The following HMCN1 variants were observed in gnomAD, a reference collection of about 807,000 sequenced individuals.
HMCN1 encodes the protein hemicentin 1, also known as hemicentin-1.
In HMCN1, 321 loss-of-function variants were observed where a neutral mutation model predicts 625.9. That is an observed-to-expected ratio of 0.51 (90% CI 0.47 to 0.56). The LOEUF (loss-of-function observed/expected upper bound fraction) is 0.56, where lower values mean the gene tolerates loss of function less well. Among genes scored for constraint, HMCN1 ranks in the 20% least tolerant of loss-of-function variants. HMCN1 has a pLI of 0.00. For synonymous variants in HMCN1, 2,425 were observed against 2,417.6 expected, an observed-to-expected ratio of 1.00 and a Z score of -0.09; for missense variants, 6,588 against 6,887.3, an observed-to-expected ratio of 0.96 and a Z score of 1.54.
chr1:185,892,328 G>A lies in HMCN1; in HGVS notation c.622-17009G>A, dbSNP rs546073226. Among the ~76,000 whole-genome samples the A allele has an allele frequency of 2.3e-4, 35 of 152,066 alleles. No homozygotes were observed. In the East Asian group the frequency reaches 3.1e-3, roughly 13 times the overall value. ...TCTCAGCTCATCAAAGTCATTCTCC[G>A]TCCAGCTTTGTTCCATTGCTGGTGA... On this transcript the variant is annotated intron_variant, in intron 4 of 106. Coordinates refer to ENST00000271588, the MANE Select transcript of HMCN1 (RefSeq NM_031935.3).
At chr1:185,990,184 A>G (rs1652324342) in intron 21 of HMCN1, 91 bp from the exon 22 acceptor site, 4 of 1,090,224 alleles carry the variant, frequency 3.7e-6, no homozygotes, top group South Asian at 1.2e-5. Context: ...TAAATTACTT[A>G]AGAACATTAG....
At chr1:185,950,652 T>A (rs1451351147) in intron 11 of HMCN1, among the ~76,000 whole-genome samples, 2 of 151,890 alleles carry the variant, frequency 1.3e-5, no homozygotes, top group African/African-American at 2.4e-5. Flanking sequence ...ATGGGGGCTG[T>A]CTGTGAAGCT....
intron 89 of HMCN1, among the ~76,000 whole-genome samples, chr1:186,143,287 G>A (rs1157265056): frequency 6.6e-6 from 1 of 152,196 alleles, no homozygotes; most frequent in Non-Finnish European, 1.5e-5. Flanking sequence ...CAGCCTTTGA[G>A]GCTCTTATTT....
In HMCN1 at chr1:186,015,300, G is replaced by A. The variant is rs140480677; in HGVS notation, c.4772G>A (p.Ser1591Asn). 98 of 1,613,636 alleles carry A rather than the reference G, an allele frequency of 6.1e-5. No individual in the cohort carries two copies. Among genetic ancestry groups the A allele is most frequent in the Middle Eastern group, 4.9e-4 (3 of 6,084 alleles). The change falls in exon 31 of 107, where the codon AGC (serine) becomes AAC (asparagine). Residue 1591 changes from serine (S) to asparagine (N), a missense_variant. Coordinates refer to ENST00000271588, the MANE Select transcript of HMCN1 (RefSeq NM_031935.3). ...AAGGACGGGCAGCCAATCATGTCCA[G>A]CTCACAAGCACTTTATATTGATAAA... is the stretch of plus-strand genomic sequence containing the variant. ...WYKDGQPIMS[S>N]SQALYIDKGQ...
chr1:185,953,312 G>A (rs1244617919), intron 11 of HMCN1, among the ~76,000 whole-genome samples: 1 of 151,824 alleles, frequency 6.6e-6, no homozygotes, highest in Admixed American at 6.5e-5. Context: ...GCTGCTAAGG[G>A]TGAAGGACCA....
At chr1:186,081,915 A>G (rs1659191132) in intron 56 of HMCN1, among the ~76,000 whole-genome samples, 1 of 152,206 alleles carries the variant, frequency 6.6e-6, no homozygotes, top group Non-Finnish European at 1.5e-5. Flanking sequence ...GTTAGGATAC[A>G]ATTTGATAAA....
chr1:185,744,462 G>T (rs1217855667), intron 1 of HMCN1, among the ~76,000 whole-genome samples: 2 of 152,074 alleles, frequency 1.3e-5, no homozygotes, highest in African/African-American at 4.8e-5. Flanking sequence ...AAACCAACAA[G>T]AGAATCTAAA....
chr1:186,129,363 TATAA>T lies in HMCN1; in HGVS notation c.12905-599_12905-596del, dbSNP rs200133160. ...TATATGTTATTTATAATATAAATTT[TATAA>T]ATATTACTATCATAAATTTTTAAAT... On this transcript the variant is annotated intron_variant, in intron 83 of 106. Coordinates refer to ENST00000271588, the MANE Select transcript of HMCN1 (RefSeq NM_031935.3). 3.7e-3 allele frequency among the ~76,000 whole-genome samples: 565 copies of T among 151,054 alleles called. 5 individuals carry two copies. Among genetic ancestry groups the T allele is most frequent in the African/African-American group, 0.013 (538 of 41,410 alleles).
chr1:185,950,611 A>G (rs1203072343), intron 11 of HMCN1, among the ~76,000 whole-genome samples: 1 of 151,816 alleles, frequency 6.6e-6, no homozygotes, highest in South Asian at 2.1e-4. Context: ...TAGGTAACAG[A>G]TGAGGAAGAA....
chr1:185,772,697 G>C (rs542775808), intron 1 of HMCN1, among the ~76,000 whole-genome samples: 2 of 152,114 alleles, frequency 1.3e-5, no homozygotes, highest in Non-Finnish European at 2.9e-5. Context: ...GAAGATGACT[G>C]TTGTAGTCCA....
chr1:185,987,790 C>T (rs1652101692), intron 20 of HMCN1, among the ~76,000 whole-genome samples: 1 of 151,962 alleles, frequency 6.6e-6, no homozygotes, highest in South Asian at 2.1e-4. Context: ...TCCTCCACTC[C>T]CCAGAGAAGC....
chr1:185,893,016 G>A (rs1375064087), intron 4 of HMCN1, among the ~76,000 whole-genome samples: 1 of 152,156 alleles, frequency 6.6e-6, no homozygotes, highest in South Asian at 2.1e-4. Flanking sequence ...CTCGTGGTGC[G>A]CCGTTTTTTA....
intron 1 of HMCN1, among the ~76,000 whole-genome samples, chr1:185,737,210 AGT>A (rs1653647277): frequency 1.3e-5 from 2 of 151,452 alleles, no homozygotes; most frequent in South Asian, 4.2e-4. Context: ...GCTGGAGTGC[AGT>A]AGCACTATCA....
At chr1:186,076,681 A>C in intron 54 of HMCN1, 59 bp downstream of exon 54, 1 of 1,521,496 alleles carries the variant, frequency 6.6e-7, no homozygotes, top group Non-Finnish European at 9.0e-7. Context: ...GTTTCCTCTC[A>C]TGTATTAGAC....
At chr1:185,958,253 G>C (rs1044037746) in intron 11 of HMCN1, among the ~76,000 whole-genome samples, 51 of 151,982 alleles carry the variant, frequency 3.4e-4, no homozygotes, top group African/African-American at 8.2e-4. Context: ...GTAGTAGCTG[G>C]GACTACAGGC....
At chr1:185,777,672 G>T (rs1051228849) in intron 1 of HMCN1, among the ~76,000 whole-genome samples, 1 of 152,040 alleles carries the variant, frequency 6.6e-6, no homozygotes, top group East Asian at 1.9e-4. Flanking sequence ...GGATGGTCTC[G>T]ATCTCTCGAC....
At position 185,916,605 on chromosome 1, in the gene HMCN1, T is replaced by A. The variant is rs74134206; in HGVS notation, c.900+4825T>A. 7.8e-3 allele frequency among the ~76,000 whole-genome samples: 1,187 copies of A among 152,306 alleles called. 9 individuals carry two copies. Among genetic ancestry groups the A allele is most frequent in the African/African-American group, 0.026 (1,070 of 41,556 alleles). ...GCATATACACTGAATTTTTCTTTAGTTTTTGTGTTTGTCTTACTTTGGGCA... is the reference window on the plus strand; with the variant it reads ...GCATATACACTGAATTTTTCTTTAGATTTTGTGTTTGTCTTACTTTGGGCA... On this transcript the variant is annotated intron_variant, in intron 6 of 106. Transcript: ENST00000271588.
chr1:185,985,533 T>C (rs1651949772), intron 19 of HMCN1, among the ~76,000 whole-genome samples: 1 of 152,198 alleles, frequency 6.6e-6, no homozygotes, highest in South Asian at 2.1e-4. Context: ...GGGGCGAGGA[T>C]ACAGACAAAC....
intron 11 of HMCN1, among the ~76,000 whole-genome samples, chr1:185,937,221 G>GT (rs1248373460): frequency 6.6e-6 from 1 of 152,168 alleles, no homozygotes; most frequent in African/African-American, 2.4e-5. Context: ...GTCTTAGTCT[G>GT]TTTTTTGCCA....
Sources: gnomAD v4.1 joint callset for allele counts (sites outside exome capture counted in the v4.1 genomes callset) on GRCh38, gnomAD v4.1.1 for gene constraint, MANE v1.5 for transcripts, NCBI Gene and HGNC (gene_info 2026-07-23, HGNC 2026-07-21) for gene names.